TCF4: variants seen among roughly 807,000 people sequenced by gnomAD.
TCF4 encodes transcription factor 4.
TCF4 carries 3 observed loss-of-function variants against 82.1 expected under a neutral mutation model. The ratio of observed to expected loss-of-function variants is 0.04; its 90% CI spans 0.02 to 0.09. The LOEUF (loss-of-function observed/expected upper bound fraction) is 0.09, where lower values mean the gene tolerates loss of function less well. Among genes scored for constraint, TCF4 ranks in the 10% least tolerant of loss-of-function variants. The pLI is 1.00. For synonymous variants in TCF4, 276 were observed against 309.6 expected (o/e 0.89, Z 1.14); for missense variants, 518 against 852.7 (o/e 0.61, Z 4.89).
At chr18:55,277,336 C>T (rs2061646114) in intron 9 of TCF4, among the ~76,000 whole-genome samples, 1 of 152,078 alleles carries the variant, frequency 6.6e-6, no homozygotes, top group Non-Finnish European at 1.5e-5. Flanking sequence ...ATAGATGGCA[C>T]ATATGACAAA....
At chr18:55,532,673 G>C (rs2146755685) in intron 3 of TCF4, among the ~76,000 whole-genome samples, 1 of 152,298 alleles carries the variant, frequency 6.6e-6, no homozygotes, top group South Asian at 2.1e-4. Context: ...CCCATCAAAG[G>C]CCCTTCTAAC....
At chr18:55,400,886 G>C in intron 6 of TCF4, 1 of 1,099,596 alleles carries the variant, frequency 9.1e-7, no homozygotes, top group South Asian at 1.3e-5. Context: ...GTTATAATAC[G>C]ATAAAGCAGC....
At chr18:55,474,626 G>A (rs552132654) in intron 3 of TCF4, among the ~76,000 whole-genome samples, 118 of 152,132 alleles carry the variant, frequency 7.8e-4, no homozygotes, top group African/African-American at 2.8e-3. Context: ...AATACTCCAA[G>A]GAACCTCATA....
At chr18:55,532,312 G>A (rs2146747268) in intron 3 of TCF4, among the ~76,000 whole-genome samples, 1 of 152,224 alleles carries the variant, frequency 6.6e-6, no homozygotes, top group East Asian at 1.9e-4. Flanking sequence ...ACACGCCATG[G>A]CTAGATCCCC....
chr18:55,561,336 C>T (rs972195857), intron 3 of TCF4, among the ~76,000 whole-genome samples: 1 of 152,144 alleles, frequency 6.6e-6, no homozygotes, highest in African/African-American at 2.4e-5. Context: ...GTGAGTGCCT[C>T]GAGATCCAAA....
intron 3 of TCF4, among the ~76,000 whole-genome samples, chr18:55,506,163 G>C (rs1176414390): frequency 6.6e-6 from 1 of 152,108 alleles, no homozygotes; most frequent in Admixed American, 6.5e-5. Context: ...TTAAAGACCA[G>C]AACACTTTTT....
rs2068831546 is a variant in TCF4, at chr18:55,303,067, T to G, written c.550-23411A>C. On this transcript the variant is annotated intron_variant, in intron 8 of 19. Coordinates refer to ENST00000354452, the MANE Select transcript of TCF4 (RefSeq NM_001083962.2). ...CTTTGATAGCAGTAAAGCAAAAAAG[T>G]AAAGGAAGAGACAAAAAGGTTGAAG... 2.0e-5 allele frequency among the ~76,000 whole-genome samples: 3 copies of G among 152,054 alleles called. No individual in the cohort carries two copies. In the South Asian group the frequency reaches 6.2e-4, roughly 32 times the overall value.
chr18:55,451,231 G>A (rs78803556), intron 5 of TCF4, among the ~76,000 whole-genome samples: 5,270 of 152,224 alleles, frequency 0.035, 138 homozygotes, highest in Non-Finnish European at 0.058. Flanking sequence ...TTACCCAGAC[G>A]AAAATGACAG....
intron 3 of TCF4, among the ~76,000 whole-genome samples, chr18:55,584,924 T>C (rs2097622892): frequency 6.6e-6 from 1 of 152,170 alleles, no homozygotes; most frequent in Non-Finnish European, 1.5e-5. Flanking sequence ...TCCCATTTTA[T>C]GAATGTTAGA....
chr18:55,242,489 T>A (rs1417006651), intron 15 of TCF4, among the ~76,000 whole-genome samples: 2 of 152,216 alleles, frequency 1.3e-5, no homozygotes, highest in Non-Finnish European at 2.9e-5. Flanking sequence ...ATTTAGCATG[T>A]TTCTATCAAA....
At chr18:55,405,211 C>T (rs965256407) in intron 5 of TCF4, among the ~76,000 whole-genome samples, 1 of 152,214 alleles carries the variant, frequency 6.6e-6, no homozygotes, top group Non-Finnish European at 1.5e-5. Flanking sequence ...AGAAAAGGCT[C>T]GACCTTCATG....
chr18:55,461,192 A>G, intron 4 of TCF4, 77 bp from the exon 5 acceptor site: 1 of 1,223,414 alleles, frequency 8.2e-7, no homozygotes, highest in Non-Finnish European at 1.2e-6. Flanking sequence ...TCCACTACCA[A>G]AACTTCTCCC....
At chr18:55,464,800 T>C (rs1175333662) in intron 3 of TCF4, among the ~76,000 whole-genome samples, 2 of 152,198 alleles carry the variant, frequency 1.3e-5, no homozygotes, top group African/African-American at 4.8e-5. Flanking sequence ...ATGAATGTGG[T>C]TATTCCATTA....
intron 2 of TCF4, among the ~76,000 whole-genome samples, chr18:55,621,144 A>G (rs1244816663): frequency 6.6e-6 from 1 of 151,692 alleles, no homozygotes; most frequent in Non-Finnish European, 1.5e-5. Context: ...ACATTTCTTC[A>G]TATAGTTACA....
chr18:55,470,669 T>C (rs941248628), intron 3 of TCF4, among the ~76,000 whole-genome samples: 1 of 152,188 alleles, frequency 6.6e-6, no homozygotes, highest in African/African-American at 2.4e-5. Flanking sequence ...AGTTGTCCTT[T>C]CTATACTCTG....
chr18:55,602,002 TTTTCTC>T (rs2097697550), intron 2 of TCF4, among the ~76,000 whole-genome samples: 1 of 152,226 alleles, frequency 6.6e-6, no homozygotes, highest in Non-Finnish European at 1.5e-5. Flanking sequence ...TTCTTTTTCT[TTTTCTC>T]ACTTAACGGG....
At chr18:55,627,977 G>T (rs553104539) in intron 2 of TCF4, among the ~76,000 whole-genome samples, 3 of 151,432 alleles carry the variant, frequency 2.0e-5, no homozygotes, top group Non-Finnish European at 2.9e-5. Flanking sequence ...GAAGAATGGC[G>T]TGAACCCGGG....
chr18:55,528,693 T>G (rs1242004596), intron 3 of TCF4, among the ~76,000 whole-genome samples: 2 of 152,234 alleles, frequency 1.3e-5, no homozygotes, highest in Admixed American at 6.5e-5. Context: ...AAAGGAAAGC[T>G]GACCCTAAGC....
intron 3 of TCF4, among the ~76,000 whole-genome samples, chr18:55,531,431 T>TA (rs1306764095): frequency 6.6e-6 from 1 of 152,084 alleles, no homozygotes; most frequent in Admixed American, 6.5e-5. Context: ...GGAAAATAAT[T>TA]AAAAGTTACC....
Sources: gnomAD v4.1 joint callset for allele counts (sites outside exome capture counted in the v4.1 genomes callset) on GRCh38, gnomAD v4.1.1 for gene constraint, MANE v1.5 for transcripts, NCBI Gene and HGNC (gene_info 2026-07-23, HGNC 2026-07-21) for gene names.